The following TMPRSS15 variants were observed in gnomAD, a reference collection of about 807,000 sequenced individuals.
TMPRSS15 encodes enteropeptidase.
TMPRSS15 carries 128 observed loss-of-function variants against 125.3 expected under a neutral mutation model. The ratio of observed to expected loss-of-function variants is 1.02; its 90% CI spans 0.89 to 1.18. TMPRSS15 has a LOEUF of 1.18. Ranked by LOEUF, TMPRSS15 falls within the 50% of genes most tolerant of loss-of-function variation. The pLI is 0.00. For synonymous variants in TMPRSS15, 446 were observed against 423.2 expected, an observed-to-expected ratio of 1.05 and a Z score of -0.66; for missense variants, 1,283 against 1,212.7, an observed-to-expected ratio of 1.06 and a Z score of -0.86.
intron 18 of TMPRSS15, 34 bp from the exon 19 acceptor site, chr21:18,297,863 C>G: frequency 1.3e-6 from 2 of 1,499,796 alleles, no homozygotes; most frequent in Non-Finnish European, 1.9e-6. Flanking sequence ...ACAGACAAAA[C>G]AAAAGCATAA....
chr21:18,322,532 A>G (rs2075249751), intron 16 of TMPRSS15, among the ~76,000 whole-genome samples: 1 of 152,188 alleles, frequency 6.6e-6, no homozygotes, highest in Non-Finnish European at 1.5e-5. Flanking sequence ...GCATAATGGA[A>G]TATTATGCAG....
chr21:18,307,117 C>T (rs1415620697), intron 18 of TMPRSS15, among the ~76,000 whole-genome samples: 7 of 152,086 alleles, frequency 4.6e-5, no homozygotes, highest in Admixed American at 3.3e-4. Flanking sequence ...TTACCATGCA[C>T]CAGTCTAGAC....
chr21:18,387,576 G>T (rs2824794), intron 3 of TMPRSS15, among the ~76,000 whole-genome samples: 110,032 of 151,364 alleles, frequency 0.73, 40,071 homozygotes, highest in East Asian at 0.91. Flanking sequence ...CCAAACCATT[G>T]GCTTACCCTG....
chr21:18,455,960 T>C (rs1288501277), intron 1 of TMPRSS15, among the ~76,000 whole-genome samples: 1 of 152,200 alleles, frequency 6.6e-6, no homozygotes, highest in Non-Finnish European at 1.5e-5. Context: ...TCTGGCACCT[T>C]GTAGGTTACT....
At chr21:18,420,757 T>C (rs1306832179) in intron 1 of TMPRSS15, among the ~76,000 whole-genome samples, 1 of 152,216 alleles carries the variant, frequency 6.6e-6, no homozygotes, top group Non-Finnish European at 1.5e-5. Flanking sequence ...ACAATGTAGA[T>C]GTCACTTTGG....
At chr21:18,279,758 G>A (rs563255242) in intron 22 of TMPRSS15, among the ~76,000 whole-genome samples, 24 of 152,148 alleles carry the variant, frequency 1.6e-4, no homozygotes, top group Non-Finnish European at 8.8e-5. Flanking sequence ...TTATGGTAAG[G>A]ATGATTTTCA....
In TMPRSS15 at chr21:18,282,691, T is replaced by C. The variant is rs552844578; in HGVS notation, c.2487-1470A>G. On this transcript the variant is annotated intron_variant, in intron 21 of 24. Coordinates refer to ENST00000284885, the MANE Select transcript of TMPRSS15 (RefSeq NM_002772.3). The stretch of plus-strand genomic sequence containing the variant: ...CAACAAAATACTACTTGGTGCCAAG[T>C]GCAATACCGAGAACTTTTGTATCTC... 1.1e-3 allele frequency among the ~76,000 whole-genome samples: 170 copies of C among 152,326 alleles called. 1 individual carries two copies. Among genetic ancestry groups the C allele is most frequent in the Middle Eastern group, 6.8e-3 (2 of 294 alleles).
rs1190051311 is a variant in TMPRSS15 at position 18,472,340 on chromosome 21, A to T, written c.10+13459T>A. 4.6e-5 allele frequency among the ~76,000 whole-genome samples: 7 copies of T among 151,944 alleles called. No individual in the cohort carries two copies. In the East Asian group the frequency reaches 1.4e-3, roughly 29 times the overall value. ...TGAAATTAAATAAACGTATGTTCTA[A>T]AAATGAACTTCTCCCTTTTAGCCTA... On this transcript the variant is annotated intron_variant, in intron 1 of 7. Coordinates refer to the TMPRSS15 transcript ENST00000422787.
chr21:18,316,146 A>C (rs2075164676), intron 16 of TMPRSS15, among the ~76,000 whole-genome samples: 1 of 152,208 alleles, frequency 6.6e-6, no homozygotes, highest in African/African-American at 2.4e-5. Context: ...AATAGTTTCC[A>C]AGCTGATGTG....
intron 1 of TMPRSS15, among the ~76,000 whole-genome samples, chr21:18,467,663 A>G (rs976370479): frequency 1.3e-5 from 2 of 152,138 alleles, no homozygotes; most frequent in Non-Finnish European, 2.9e-5. Flanking sequence ...CCTAAATCTA[A>G]AATATACAGA....
chr21:18,396,547 G>C (rs1421538548), intron 3 of TMPRSS15, among the ~76,000 whole-genome samples: 1 of 151,968 alleles, frequency 6.6e-6, no homozygotes, highest in African/African-American at 2.4e-5. Context: ...GGCCGAGGTG[G>C]GCGGATCACG....
In TMPRSS15 at chr21:18,416,183, T is replaced by C. The variant is rs545832456; in HGVS notation, c.11-17854A>G. On this transcript the variant is annotated intron_variant, in intron 1 of 7. Transcript: ENST00000422787. ...GAAAAAAAACATGGCTTTCTATGGA[T>C]TGGACGACTTAATATTGTTGAAATA... Among the ~76,000 whole-genome samples the C allele has an allele frequency of 7.2e-5, 11 of 152,126 alleles. No individual in the cohort carries two copies. The South Asian group carries it at 2.3e-3, about 32-fold the overall frequency.
At chr21:18,377,287 A>T (rs2075853694) in intron 5 of TMPRSS15, among the ~76,000 whole-genome samples, 1 of 152,204 alleles carries the variant, frequency 6.6e-6, no homozygotes, top group East Asian at 1.9e-4. Context: ...GTTCAGATCA[A>T]AATGAGCATT....
At chr21:18,482,327 C>A (rs1307249328) in intron 1 of TMPRSS15, among the ~76,000 whole-genome samples, 1 of 151,324 alleles carries the variant, frequency 6.6e-6, no homozygotes, top group East Asian at 1.9e-4. Flanking sequence ...AAAATATATT[C>A]AAATAAGCAT....
intron 7 of TMPRSS15, among the ~76,000 whole-genome samples, chr21:18,364,510 G>A (rs1252180618): frequency 3.3e-5 from 5 of 151,958 alleles, no homozygotes; most frequent in East Asian, 3.9e-4. Context: ...TGGAATATCC[G>A]GAAGGAACTT....
chr21:18,270,831 A>G (rs115247141), intron 24 of TMPRSS15, among the ~76,000 whole-genome samples: 1,991 of 152,340 alleles, frequency 0.013, 37 homozygotes, highest in African/African-American at 0.044. Flanking sequence ...ATACAAACAT[A>G]TAATATCATT....
chr21:18,428,260 G>A (rs754521529), intron 1 of TMPRSS15, among the ~76,000 whole-genome samples: 9 of 152,024 alleles, frequency 5.9e-5, no homozygotes, highest in Non-Finnish European at 7.4e-5. Context: ...ACTTGGGTGC[G>A]TTAAAGGTAT....
chr21:18,315,031 T>C (rs992229076), intron 17 of TMPRSS15, 115 bp downstream of exon 17: 32 of 837,474 alleles, frequency 3.8e-5, no homozygotes, highest in Non-Finnish European at 6.2e-5. Context: ...GATGTTCTCG[T>C]TCCAAAGCAT....
In TMPRSS15 at chr21:18,453,838, A is replaced by G. The variant is rs1003109687; in HGVS notation, c.10+31961T>C. Among the ~76,000 whole-genome samples, 2 of 152,210 alleles carry G rather than the reference A, an allele frequency of 1.3e-5. 1 individual carries two copies. The highest frequency in any genetic ancestry group is 4.1e-4 in the South Asian group (2 of 4,830). ...ACTCAAAAGAGAAGGAAATCCTGCC[A>G]TTTGAGACAACATGGATTAACTTGA... On this transcript the variant is annotated intron_variant, in intron 1 of 7. Coordinates refer to the TMPRSS15 transcript ENST00000422787.
Sources: allele counts gnomAD v4.1 joint callset (sites outside exome capture counted in the v4.1 genomes callset), GRCh38; gene constraint gnomAD v4.1.1; transcripts MANE v1.5; gene names NCBI Gene and HGNC (gene_info 2026-07-23, HGNC 2026-07-21).